The following PTGER3 variants were observed in gnomAD, a reference collection of about 807,000 sequenced individuals.
The protein encoded by PTGER3 is prostaglandin E2 receptor EP3 subtype.
PTGER3 carries 22 observed loss-of-function variants against 34.7 expected under a neutral mutation model. The ratio of observed to expected loss-of-function variants is 0.63; its 90% CI spans 0.45 to 0.91. PTGER3 has a LOEUF of 0.91. PTGER3 is among the 40% of genes least tolerant of loss of function. The pLI, the probability that PTGER3 is intolerant of heterozygous loss-of-function variation, is 0.00. For synonymous variants in PTGER3, 241 were observed against 230.1 expected, an observed-to-expected ratio of 1.05 and a Z score of -0.43; for missense variants, 468 against 519.4, an observed-to-expected ratio of 0.90 and a Z score of 0.96.
At chr1:70,948,216 A>C (rs187155861), downstream of PTGER3, among the ~76,000 whole-genome samples, 16 of 152,122 alleles carry the variant, frequency 1.1e-4, no homozygotes, top group African/African-American at 3.9e-4. Flanking sequence ...TGCTTGAATT[A>C]TACATGGTAG....
intron 1 of PTGER3, among the ~76,000 whole-genome samples, chr1:71,021,877 T>G (rs899931814): frequency 6.6e-6 from 1 of 151,812 alleles, no homozygotes; most frequent in Admixed American, 6.6e-5. Flanking sequence ...TATGCATAAT[T>G]TATATCTATT....
At chr1:70,887,128 A>G (rs1646514797) in intron 4 of PTGER3, among the ~76,000 whole-genome samples, 1 of 152,190 alleles carries the variant, frequency 6.6e-6, no homozygotes, top group Non-Finnish European at 1.5e-5. Context: ...GAGCCCCTCA[A>G]AGTACTAATG....
chr1:70,999,695 A>T (rs2100807431), intron 2 of PTGER3, among the ~76,000 whole-genome samples: 1 of 152,340 alleles, frequency 6.6e-6, no homozygotes, highest in Admixed American at 6.5e-5. Flanking sequence ...GCATTCTCCC[A>T]AATTACAAGT....
At chr1:71,007,596 T>G (rs1030127425) in intron 2 of PTGER3, 1 of 985,304 alleles carries the variant, frequency 1.0e-6, no homozygotes, top group Admixed American at 6.2e-5. Context: ...CATATCTTTT[T>G]CTATGTTCTC....
At chr1:71,042,965 G>C (rs894193571) in intron 1 of PTGER3, among the ~76,000 whole-genome samples, 1 of 152,174 alleles carries the variant, frequency 6.6e-6, no homozygotes, top group African/African-American at 2.4e-5. Flanking sequence ...TTTTCATGAT[G>C]TTCATAGCTG....
chr1:71,006,615 C>T, intron 2 of PTGER3: 9 of 978,678 alleles, frequency 9.2e-6, no homozygotes, highest in Non-Finnish European at 1.1e-5. Flanking sequence ...AAAGAAACAT[C>T]ATGTTGAAAA....
intron 4 of PTGER3, among the ~76,000 whole-genome samples, chr1:70,871,188 A>G (rs1053914596): frequency 6.6e-6 from 1 of 152,156 alleles, no homozygotes. Flanking sequence ...GGCCTCAGGG[A>G]GCTTTTACTC....
intron 2 of PTGER3, among the ~76,000 whole-genome samples, chr1:70,991,548 T>G (rs1394086238): frequency 6.6e-6 from 1 of 152,188 alleles, no homozygotes; most frequent in Non-Finnish European, 1.5e-5. Context: ...TTCTGGGAAC[T>G]GCAGGGAGAT....
chr1:70,871,972 C>G (rs1345820281), intron 4 of PTGER3, among the ~76,000 whole-genome samples: 2 of 152,142 alleles, frequency 1.3e-5, no homozygotes, highest in Non-Finnish European at 2.9e-5. Context: ...GGTCACTAGA[C>G]TGCTTGTCAA....
intron 3 of PTGER3, among the ~76,000 whole-genome samples, chr1:70,972,751 A>G (rs1045645098): frequency 2.1e-4 from 32 of 152,128 alleles, no homozygotes; most frequent in Non-Finnish European, 4.0e-4. Flanking sequence ...GCTAAATAAA[A>G]TGAGAACAAG....
chr1:70,865,232 C>G (rs942180601), intron 4 of PTGER3, among the ~76,000 whole-genome samples: 1 of 152,086 alleles, frequency 6.6e-6, no homozygotes, highest in Non-Finnish European at 1.5e-5. Context: ...AGACCTAATT[C>G]CAAAGGTTGT....
chr1:70,912,319 A>G (rs1410537494), intron 4 of PTGER3, among the ~76,000 whole-genome samples: 1 of 152,064 alleles, frequency 6.6e-6, no homozygotes, highest in Non-Finnish European at 1.5e-5. Context: ...CTGGTCTATG[A>G]TCTTTGAAAA....
At chr1:70,981,391 C>CTT (rs1463805933) in intron 2 of PTGER3, among the ~76,000 whole-genome samples, 1 of 63,350 alleles carries the variant, frequency 1.6e-5, no homozygotes, top group Non-Finnish European at 3.1e-5. Flanking sequence ...TTCTTTCTTT[C>CTT]TTTCCTTCCT....
chr1:71,003,255 C>T, intron 2 of PTGER3, among the ~76,000 whole-genome samples: 1 of 152,212 alleles, frequency 6.6e-6, no homozygotes, highest in Non-Finnish European at 1.5e-5. Context: ...ATCCCTGCCA[C>T]TTGCACTCTG....
At chr1:70,926,576 T>G in intron 4 of PTGER3, among the ~76,000 whole-genome samples, 1 of 152,190 alleles carries the variant, frequency 6.6e-6, no homozygotes, top group East Asian at 1.9e-4. Flanking sequence ...TAAGGAGATT[T>G]TGGGCTGAGG....
rs1223947879 is a variant in PTGER3 at position 71,022,524 on chromosome 1, C to T, written c.898-10040G>A. Among the ~76,000 whole-genome samples, 2 of 151,800 alleles carry T rather than the reference C, an allele frequency of 1.3e-5. 1 individual carries two copies. The highest frequency in any genetic ancestry group is 4.9e-5 in the African/African-American group (2 of 41,112). ...TATGATACATTCTTATTAAACTTTG[C>T]AGTATGTCAAAATGACACTGCCTTT... On this transcript the variant is annotated intron_variant, in intron 1 of 3. Transcript: ENST00000306666.
chr1:70,919,177 C>A (rs975512404), intron 4 of PTGER3, among the ~76,000 whole-genome samples: 1 of 152,138 alleles, frequency 6.6e-6, no homozygotes, highest in Non-Finnish European at 1.5e-5. Flanking sequence ...ATGTAAACCA[C>A]CACCCAACTT....
chr1:71,013,257 T>C (rs1400032614), intron 1 of PTGER3, among the ~76,000 whole-genome samples: 1 of 152,154 alleles, frequency 6.6e-6, no homozygotes, highest in African/African-American at 2.4e-5. Context: ...AGGAATATAT[T>C]ATACAACATA....
At chr1:70,899,488 T>C (rs1283677745) in intron 4 of PTGER3, among the ~76,000 whole-genome samples, 3 of 152,070 alleles carry the variant, frequency 2.0e-5, no homozygotes, top group African/African-American at 4.8e-5. Flanking sequence ...AGAGAAGACA[T>C]AGAAGCATGA....
Sources: gnomAD v4.1 joint callset for allele counts (sites outside exome capture counted in the v4.1 genomes callset) on GRCh38, gnomAD v4.1.1 for gene constraint, MANE v1.5 for transcripts, NCBI Gene and HGNC (gene_info 2026-07-23, HGNC 2026-07-21) for gene names.